Variants in RAD51B observed in about 807,000 individuals in gnomAD.
RAD51B encodes DNA repair protein RAD51 homolog 2.
RAD51B carries 38 observed loss-of-function variants against 42.2 expected under a neutral mutation model. The ratio of observed to expected loss-of-function variants is 0.90; its 90% CI spans 0.70 to 1.18. The LOEUF (loss-of-function observed/expected upper bound fraction) is 1.18, where lower values mean the gene tolerates loss of function less well. RAD51B is among the 50% of genes most tolerant of loss of function. RAD51B has a pLI of 0.00. For synonymous variants in RAD51B, 154 were observed against 145.2 expected (o/e 1.06, Z -0.43); for missense variants, 373 against 400.7 (o/e 0.93, Z 0.59).
rs538826581 is a variant in RAD51B, at chr14:67,946,380, T to G, written c.756+59176T>G. Among the ~76,000 whole-genome samples the G allele has an allele frequency of 3.3e-5, 5 of 152,228 alleles. No homozygotes were observed. In the East Asian group the frequency reaches 9.6e-4, roughly 29 times the overall value. On this transcript the variant is annotated intron_variant, in intron 7 of 10. Transcript: ENST00000471583. ...TTTTGTTGTTGTTGTTGTTGTTGTT[T>G]TTTGTTTTGAGATGGAGTCTCACTG...
At chr14:68,412,518 G>A (rs180862467) in intron 9 of RAD51B, among the ~76,000 whole-genome samples, 8 of 152,268 alleles carry the variant, frequency 5.3e-5, no homozygotes, top group Admixed American at 1.3e-4. Context: ...AAGGAAGCAG[G>A]AATCATCAAA....
At chr14:67,930,374 AAGAGCT>A (rs2044684388) in intron 7 of RAD51B, among the ~76,000 whole-genome samples, 1 of 151,788 alleles carries the variant, frequency 6.6e-6, no homozygotes, top group Admixed American at 6.6e-5. Context: ...GCATTTCTTG[AAGAGCT>A]AGTCTAGTGG....
At chr14:68,492,878 T>C (rs948012256) in intron 10 of RAD51B, among the ~76,000 whole-genome samples, 5 of 152,208 alleles carry the variant, frequency 3.3e-5, no homozygotes, top group Non-Finnish European at 7.3e-5. Flanking sequence ...CAAGTACCAT[T>C]ATCCCCATCT....
intron 7 of RAD51B, among the ~76,000 whole-genome samples, chr14:68,014,545 T>C (rs1220795800): frequency 6.6e-6 from 1 of 152,146 alleles, no homozygotes; most frequent in East Asian, 1.9e-4. Flanking sequence ...ACATCTTTTT[T>C]GAATATTTAA....
intron 10 of RAD51B, among the ~76,000 whole-genome samples, chr14:68,505,464 A>T (rs929679221): frequency 6.6e-6 from 1 of 151,530 alleles, no homozygotes; most frequent in African/African-American, 2.4e-5. Flanking sequence ...CACAGTAAGA[A>T]CTCTGGGTTT....
intron 9 of RAD51B, among the ~76,000 whole-genome samples, chr14:68,435,667 C>T (rs2085130462): frequency 6.6e-6 from 1 of 152,150 alleles, no homozygotes; most frequent in African/African-American, 2.4e-5. Context: ...TTTCTTCTCT[C>T]CACAGCCTCA....
intron 8 of RAD51B, among the ~76,000 whole-genome samples, chr14:68,355,053 T>C (rs1392898398): frequency 6.6e-6 from 1 of 152,166 alleles, no homozygotes; most frequent in Non-Finnish European, 1.5e-5. Flanking sequence ...GAGGGGACCG[T>C]GATGCACAGT....
chr14:67,990,949 T>C (rs183919397), intron 7 of RAD51B, among the ~76,000 whole-genome samples: 1 of 152,326 alleles, frequency 6.6e-6, no homozygotes, highest in Admixed American at 6.5e-5. Context: ...GGTGAAGCCT[T>C]ACTCGAAACC....
chr14:68,253,594 T>C (rs2080688050), intron 7 of RAD51B, among the ~76,000 whole-genome samples: 2 of 152,272 alleles, frequency 1.3e-5, no homozygotes, highest in African/African-American at 4.8e-5. Flanking sequence ...AGCATTTTTC[T>C]TTATAATTTC....
At chr14:67,883,077 A>G (rs959314881) in intron 5 of RAD51B, among the ~76,000 whole-genome samples, 9 of 152,016 alleles carry the variant, frequency 5.9e-5, no homozygotes, top group African/African-American at 2.2e-4. Flanking sequence ...TTTGAACTAT[A>G]TCTTGAGTCT....
intron 7 of RAD51B, among the ~76,000 whole-genome samples, chr14:68,024,902 G>A (rs941615199): frequency 1.3e-5 from 2 of 152,040 alleles, no homozygotes; most frequent in Non-Finnish European, 2.9e-5. Context: ...TAGTAGTGGC[G>A]AGATTAGGCA....
chr14:68,484,857 T>G (rs1426773366), intron 10 of RAD51B, among the ~76,000 whole-genome samples: 1 of 152,230 alleles, frequency 6.6e-6, no homozygotes, highest in Non-Finnish European at 1.5e-5. Context: ...GATTTTGTCC[T>G]GCATACTATA....
chr14:68,488,833 A>C (rs1425986851), intron 10 of RAD51B, among the ~76,000 whole-genome samples: 1 of 152,218 alleles, frequency 6.6e-6, no homozygotes, highest in Non-Finnish European at 1.5e-5. Flanking sequence ...TCTCTTTCAC[A>C]GTCTCAGCTC....
At chr14:67,841,216 A>G (rs11622535) in intron 4 of RAD51B, among the ~76,000 whole-genome samples, 50,580 of 152,104 alleles carry the variant, frequency 0.33, 8,816 homozygotes, top group Middle Eastern at 0.45. Context: ...TGATGGCCAC[A>G]TGTATGTCTT....
At chr14:68,485,713 A>C (rs765481459) in intron 10 of RAD51B, among the ~76,000 whole-genome samples, 1 of 152,198 alleles carries the variant, frequency 6.6e-6, no homozygotes, top group Non-Finnish European at 1.5e-5. Flanking sequence ...CAGGTCTTGT[A>C]AAGTCCAGAT....
Position 67,865,052 on chromosome 14 carries a change from G to C in RAD51B, c.365G>C (p.Ser122Thr). Residue 122 changes from serine to threonine, a missense_variant, in exon 5 of 11, where the codon AGC becomes ACC. Transcript: ENST00000471583. ...CGKTQFCIMM[S>T]ILATLPTNMG... ...AAAACTCAGTTTTGTATAATGATGA[G>C]CATTTTGGCTACATTACCCACCAAC... is the stretch of plus-strand genomic sequence containing the variant. The C allele has an allele frequency of 6.9e-7, 1 of 1,448,484 alleles. No individual in the cohort carries two copies. The highest frequency in any genetic ancestry group is 9.2e-7 in the Non-Finnish European group (1 of 1,082,136). 89.7% of individuals were successfully genotyped at this position (1,448,484 alleles called of 1,614,324 possible).
chr14:67,969,782 A>C (rs1413223464), intron 7 of RAD51B, among the ~76,000 whole-genome samples: 1 of 152,192 alleles, frequency 6.6e-6, no homozygotes, highest in African/African-American at 2.4e-5. Flanking sequence ...TGATCATTTA[A>C]TGTTCAAAGT....
chr14:68,600,252 T>C (rs1891162944), downstream of RAD51B, among the ~76,000 whole-genome samples: 1 of 152,232 alleles, frequency 6.6e-6, no homozygotes, highest in South Asian at 2.1e-4. Flanking sequence ...AAGAGGCCGA[T>C]ACAATGCTGT....
chr14:67,945,458 AT>A (rs891760846), intron 7 of RAD51B, among the ~76,000 whole-genome samples: 3 of 152,094 alleles, frequency 2.0e-5, no homozygotes, highest in African/African-American at 7.2e-5. Context: ...TGGGTATGTG[AT>A]TGGTGAGAAA....
Sources: allele counts gnomAD v4.1 joint callset (sites outside exome capture counted in the v4.1 genomes callset), GRCh38; gene constraint gnomAD v4.1.1; transcripts MANE v1.5; gene names NCBI Gene and HGNC (gene_info 2026-07-23, HGNC 2026-07-21).